MYO9B: variants seen among roughly 807,000 people sequenced by gnomAD.
MYO9B encodes unconventional myosin-IXb.
In MYO9B, 71 loss-of-function variants were observed where a neutral mutation model predicts 229.5. The ratio of observed to expected loss-of-function variants is 0.31; its 90% CI spans 0.26 to 0.38. The LOEUF (loss-of-function observed/expected upper bound fraction) is 0.38, where lower values mean the gene tolerates loss of function less well. Among genes scored for constraint, MYO9B ranks in the 10% least tolerant of loss-of-function variants. MYO9B has a pLI of 1.00. For synonymous variants in MYO9B, 1,185 were observed against 1,235.8 expected (o/e 0.96, Z 0.86); for missense variants, 2,255 against 2,920.5 (o/e 0.77, Z 5.25).
intron 1 of MYO9B, among the ~76,000 whole-genome samples, chr19:17,089,714 A>G (rs1164458507): frequency 1.3e-5 from 2 of 152,166 alleles, no homozygotes; most frequent in African/African-American, 2.4e-5. Flanking sequence ...CAGAAAGCAT[A>G]TACTGGCCTG....
At position 17,105,247 on chromosome 19, in the gene MYO9B, C is replaced by T. The variant is rs530338157; in HGVS notation, c.840+2690C>T. 1.4e-5 allele frequency among the ~76,000 whole-genome samples: 2 copies of T among 147,620 alleles called. 1 individual carries two copies. The highest frequency in any genetic ancestry group is 4.3e-4 in the South Asian group (2 of 4,656). ...ACATAATCCCAGTGCACTGGGAGGCCGAGGCAGGAGGATCACTTGAGCCCA... is the reference window on the plus strand; with the variant it reads ...ACATAATCCCAGTGCACTGGGAGGCTGAGGCAGGAGGATCACTTGAGCCCA... On this transcript the variant is annotated intron_variant, in intron 2 of 39. Transcript: ENST00000682292.
intron 1 of MYO9B, among the ~76,000 whole-genome samples, chr19:17,092,364 G>A (rs2057645978): frequency 6.6e-6 from 1 of 152,252 alleles, no homozygotes; most frequent in Non-Finnish European, 1.5e-5. Context: ...ACATACACAG[G>A]TGTACGCATG....
intron 19 of MYO9B, among the ~76,000 whole-genome samples, chr19:17,189,343 A>G (rs2072954978): frequency 6.6e-6 from 1 of 151,974 alleles, no homozygotes; most frequent in Non-Finnish European, 1.5e-5. Context: ...AAACAAAACA[A>G]AACAAAACTA....
chr19:17,204,890 G>C (rs890219600), intron 30 of MYO9B, among the ~76,000 whole-genome samples: 1 of 152,116 alleles, frequency 6.6e-6, no homozygotes, highest in African/African-American at 2.4e-5. Flanking sequence ...AGTGGCTTAC[G>C]CCTCTAATCC....
rs114834250 is a variant in MYO9B, at chr19:17,104,955, T to C, written c.840+2398T>C. On this transcript the variant is annotated intron_variant, in intron 2 of 39. Transcript: ENST00000682292. ...CCATTAGGGTTCTTGGTGTTGCACA[T>C]TCTTTGAGTTTGGACAAAAGTATAA... Among the ~76,000 whole-genome samples the C allele has an allele frequency of 2.5e-3, 387 of 152,286 alleles. 1 individual carries two copies. The highest frequency in any genetic ancestry group is 8.9e-3 in the African/African-American group (368 of 41,556).
chr19:17,154,030 G>C lies in MYO9B; in HGVS notation c.1062G>C (p.Gln354His), dbSNP rs768476253. Residue 354 changes from glutamine (Q) to histidine (H), a missense_variant, in exon 5 of 40, where the codon CAG (glutamine) becomes CAC (histidine). Gln to His is a conservative substitution (Grantham distance 24). Around this residue, in one of 7 missense-constraint regions of MYO9B, gnomAD observed 386 missense variants for 515.2 expected, o/e 0.75. Transcript: ENST00000682292. ...GCGAGGAAGAGCGCCAAGAATTTCAGCTCAAGCAGCCTGAAGATTATTTCT... is the reference window on the plus strand; with the variant it reads ...GCGAGGAAGAGCGCCAAGAATTTCACCTCAAGCAGCCTGAAGATTATTTCT... ...GVSEEERQEFQLKQPEDYFYL... is the reference protein window; with the variant it reads ...GVSEEERQEFHLKQPEDYFYL... 22 of 1,613,292 alleles carry C rather than the reference G, an allele frequency of 1.4e-5. No individual in the cohort carries two copies. Among genetic ancestry groups the C allele is most frequent in the South Asian group, 2.2e-5 (2 of 91,066 alleles).
At chr19:17,157,279 G>A (rs562695141) in intron 7 of MYO9B, 74 of 433,252 alleles carry the variant, frequency 1.7e-4, no homozygotes, top group Non-Finnish European at 2.4e-4. Flanking sequence ...CTCAGGGGCC[G>A]GGTGCGGTGT....
chr19:17,085,491 G>C (rs2057573420), intron 1 of MYO9B, among the ~76,000 whole-genome samples: 2 of 152,058 alleles, frequency 1.3e-5, no homozygotes, highest in Non-Finnish European at 2.9e-5. Context: ...CAGTGGGATA[G>C]GTGATAGCTA....
rs11455979 is a variant in MYO9B, at chr19:17,197,406, TGATAGATA to T, written c.4047-349_4047-342del. Among the ~76,000 whole-genome samples, 801 of 128,818 alleles carry T rather than the reference TGATAGATA, an allele frequency of 6.2e-3. 4 individuals carry two copies. Among genetic ancestry groups the T allele is most frequent in the East Asian group, 0.017 (65 of 3,832 alleles). The allele number at this position is 128,818 out of a possible 152,430, so 84.5% of individuals were successfully genotyped here. ...AAGGATGGATGGATGGATAGATAGA[TGATAGATA>T]GATAGATAGATAGATAGATAGATAG... On this transcript the variant is annotated intron_variant, in intron 22 of 39. Coordinates refer to ENST00000682292, the MANE Select transcript of MYO9B (RefSeq NM_004145.4).
Position 17,157,019 on chromosome 19 carries a change from C to A in MYO9B, c.1310C>A (p.Thr437Asn). 6.2e-7 allele frequency: 1 copy of A among 1,613,496 alleles called. No individual in the cohort carries two copies. The highest frequency in any genetic ancestry group is 8.5e-7 in the Non-Finnish European group (1 of 1,179,726). ...GTCGGGCCACCCGAGGTGCTGGACACCCTGTCGCAGCTTCTGAAGGTACTG... is the reference window on the plus strand; with the variant it reads ...GTCGGGCCACCCGAGGTGCTGGACAACCTGTCGCAGCTTCTGAAGGTACTG... ...LEVGPPEVLDTLSQLLKVKRE... is the reference protein window; with the variant it reads ...LEVGPPEVLDNLSQLLKVKRE... Residue 437 changes from threonine (T) to asparagine (N), a missense_variant, in exon 7 of 40, where the codon ACC (threonine) becomes AAC (asparagine). Thr to Asn is a moderately conservative substitution (Grantham distance 65). This residue lies in a region of MYO9B where 220 missense variants were observed against 404.5 expected (regional missense o/e 0.54). Transcript: ENST00000682292.
intron 2 of MYO9B, among the ~76,000 whole-genome samples, chr19:17,112,078 G>T (rs1413738022): frequency 6.6e-6 from 1 of 152,156 alleles, no homozygotes; most frequent in African/African-American, 2.4e-5. Flanking sequence ...CTGGTATGTG[G>T]TTGGGGTTTT....
intron 2 of MYO9B, among the ~76,000 whole-genome samples, chr19:17,121,376 T>G (rs2057962617): frequency 6.6e-6 from 1 of 151,846 alleles, no homozygotes; most frequent in South Asian, 2.1e-4. Context: ...GAAATCTTGG[T>G]GATTCAGACT....
chr19:17,128,227 T>A (rs12975877), intron 2 of MYO9B, among the ~76,000 whole-genome samples: 131 of 75,620 alleles, frequency 1.7e-3, no homozygotes, highest in Non-Finnish European at 2.1e-3. Flanking sequence ...AAAAAAAAAA[T>A]TTTTTTTTTT....
Position 17,194,973 on chromosome 19 carries a change from C to T in MYO9B, c.3546C>T (p.Val1182=), listed in dbSNP as rs773793715. 1.9e-6 allele frequency: 3 copies of T among 1,613,360 alleles called. No individual in the cohort carries two copies. The East Asian group carries it at 6.7e-5, about 36-fold the overall frequency. The change falls in exon 22 of 40, where the codon GTC becomes GTT. Residue 1182 remains valine (V), a synonymous_variant. Transcript: ENST00000682292. The stretch of plus-strand genomic sequence containing the variant: ...CCCTCAGAGAACCTTCCAGAAGGGT[C>T]ACCCAGGAGCAAGGGGTGAGTCTCC... ...ESALREPSRR[V]TQEQGVSLLE... is the part of the protein sequence containing the mutation.
intron 2 of MYO9B, among the ~76,000 whole-genome samples, chr19:17,130,823 T>C (rs1244357391): frequency 6.6e-6 from 1 of 151,956 alleles, no homozygotes; most frequent in East Asian, 1.9e-4. Context: ...CGTTCAACCC[T>C]GGATGTCTCT....
intron 3 of MYO9B, among the ~76,000 whole-genome samples, chr19:17,150,055 G>A (rs1021018784): frequency 6.6e-6 from 1 of 152,186 alleles, no homozygotes; most frequent in African/African-American, 2.4e-5. Context: ...GAGGACCCAG[G>A]CTGGGCCATC....
intron 2 of MYO9B, among the ~76,000 whole-genome samples, chr19:17,132,525 A>ATTTTTTTTTTTTTTTT (rs35184435): frequency 1.7e-5 from 2 of 116,364 alleles, no homozygotes; most frequent in East Asian, 2.5e-4. Flanking sequence ...TATTATTATT[A>ATTTTTTTTTTTTTTTT]TTTTTTTTTT....
chr19:17,100,103 CAA>C (rs1164453846), intron 1 of MYO9B, among the ~76,000 whole-genome samples: 1 of 147,586 alleles, frequency 6.8e-6, no homozygotes, highest in Non-Finnish European at 1.5e-5. Flanking sequence ...GCCTGGGCAA[CAA>C]AGAGCGAAAC....
intron 2 of MYO9B, among the ~76,000 whole-genome samples, chr19:17,105,834 G>A (rs1439345810): frequency 2.6e-5 from 4 of 152,130 alleles, no homozygotes; most frequent in Non-Finnish European, 5.9e-5. Flanking sequence ...GCCCTGGTCC[G>A]ACATATGTAG....
Sources: gnomAD v4.1 joint callset for allele counts (sites outside exome capture counted in the v4.1 genomes callset) on GRCh38, gnomAD v4.1.1 for gene constraint, gnomAD v4.1.1 regional missense constraint, MANE v1.5 for transcripts, NCBI Gene and HGNC (gene_info 2026-07-23, HGNC 2026-07-21) for gene names.